The following DNAH12 variants were observed in gnomAD, a reference collection of about 807,000 sequenced individuals.
DNAH12 encodes axonemal beta dynein heavy chain 12.
DNAH12 carries 285 observed loss-of-function variants against 371.5 expected under a neutral mutation model. The observed-to-expected ratio is 0.77, with a 90% confidence interval of 0.70 to 0.85. DNAH12 has a LOEUF of 0.85. Among genes scored for constraint, DNAH12 ranks in the 40% least tolerant of loss-of-function variants. The pLI, the probability that DNAH12 is intolerant of heterozygous loss-of-function variation, is 0.00. For synonymous variants in DNAH12, 1,200 were observed against 1,213.0 expected (o/e 0.99, Z 0.22); for missense variants, 3,611 against 3,689.4 (o/e 0.98, Z 0.55).
intron 63 of DNAH12, 102 bp downstream of exon 63, chr3:57,323,367 A>G: frequency 6.8e-7 from 1 of 1,473,664 alleles, no homozygotes. Context: ...GTTTCTCTGT[A>G]AATATCAGAT....
At chr3:57,548,097 AT>A (rs1329535313), upstream of DNAH12, among the ~76,000 whole-genome samples, 1 of 152,208 alleles carries the variant, frequency 6.6e-6, no homozygotes, top group Non-Finnish European at 1.5e-5. Flanking sequence ...TGACAAGGAA[AT>A]TTGTTTTTTT....
At chr3:57,551,848 GA>G in the DNAH12 span, among the ~76,000 whole-genome samples, 33 of 147,544 alleles carry the variant, frequency 2.2e-4, no homozygotes, top group African/African-American at 8.2e-4. Flanking sequence ...TGGGAAAAAT[GA>G]AAAAAAGACA....
At chr3:57,364,501 A>T (rs1360084178) in intron 57 of DNAH12, among the ~76,000 whole-genome samples, 2 of 151,862 alleles carry the variant, frequency 1.3e-5, no homozygotes, top group Non-Finnish European at 1.5e-5. Context: ...TCCTCATTTT[A>T]AAAAAAATAC....
chr3:57,308,744 A>G (rs535877469), intron 69 of DNAH12, among the ~76,000 whole-genome samples: 35 of 152,328 alleles, frequency 2.3e-4, no homozygotes, highest in African/African-American at 7.9e-4. Flanking sequence ...TTTGCTGGCA[A>G]GGCTACGCTG....
intron 25 of DNAH12, among the ~76,000 whole-genome samples, chr3:57,448,100 TAATA>T (rs2065584775): frequency 1.3e-5 from 2 of 152,242 alleles, no homozygotes; most frequent in Admixed American, 6.5e-5. Context: ...TTATTGTGAA[TAATA>T]AATATACTAG....
At chr3:57,366,614 A>T (rs908769878) in intron 57 of DNAH12, 115 bp downstream of exon 57, 203 of 152,360 alleles carry the variant, frequency 1.3e-3, no homozygotes, top group African/African-American at 4.4e-3. Flanking sequence ...GTGATTATTT[A>T]TAGTAACAAA....
chr3:57,321,625 C>A (rs371923713), intron 65 of DNAH12, among the ~76,000 whole-genome samples: 12 of 152,082 alleles, frequency 7.9e-5, no homozygotes, highest in African/African-American at 2.9e-4. Flanking sequence ...CTTACAGGGA[C>A]CTGGGTTTTC....
intron 62 of DNAH12, among the ~76,000 whole-genome samples, chr3:57,324,946 G>A (rs1021261589): frequency 1.3e-5 from 2 of 152,188 alleles, no homozygotes; most frequent in African/African-American, 2.4e-5. Context: ...AGGGTCCTAC[G>A]CCCATGAAGT....
At chr3:57,425,747 A>G (rs1321646466) in intron 34 of DNAH12, among the ~76,000 whole-genome samples, 1 of 152,040 alleles carries the variant, frequency 6.6e-6, no homozygotes, top group Non-Finnish European at 1.5e-5. Flanking sequence ...GAGAATAAAC[A>G]GTGTTCTAAG....
At chr3:57,488,700 G>C (rs143726026) in intron 12 of DNAH12, among the ~76,000 whole-genome samples, 1 of 152,284 alleles carries the variant, frequency 6.6e-6, no homozygotes, top group East Asian at 1.9e-4. Flanking sequence ...CAGGCAGTGT[G>C]CTAGGTGCTA....
chr3:57,306,650 C>G (rs766736731), intron 69 of DNAH12, among the ~76,000 whole-genome samples: 1 of 152,062 alleles, frequency 6.6e-6, no homozygotes, highest in Non-Finnish European at 1.5e-5. Flanking sequence ...ACCTAATCAC[C>G]CTTACCCCGC....
At chr3:57,420,402 G>A (rs11719794) in intron 36 of DNAH12, among the ~76,000 whole-genome samples, 44,370 of 152,046 alleles carry the variant, frequency 0.29, 7,900 homozygotes, top group Non-Finnish European at 0.41. Flanking sequence ...TGGTAACTTT[G>A]TAAGTTTGGG....
At chr3:57,363,881 AAACT>A (rs1476654978) in intron 57 of DNAH12, 95 bp from the exon 58 acceptor site, 5 of 152,160 alleles carry the variant, frequency 3.3e-5, no homozygotes, top group Non-Finnish European at 5.9e-5. Flanking sequence ...CATCTAACAC[AAACT>A]AAGGTGGTTA....
intron 29 of DNAH12, among the ~76,000 whole-genome samples, chr3:57,440,016 G>C (rs2065254878): frequency 6.6e-6 from 1 of 152,096 alleles, no homozygotes; most frequent in South Asian, 2.1e-4. Flanking sequence ...TTACTAAAAA[G>C]TTAAGAACAA....
chr3:57,489,526 A>G lies in DNAH12; in HGVS notation c.1497T>C (p.Tyr499=), dbSNP rs2067042976. 2 of 1,512,654 alleles carry G rather than the reference A, an allele frequency of 1.3e-6. No individual in the cohort carries two copies. Among genetic ancestry groups the G allele is most frequent in the African/African-American group, 1.4e-5 (1 of 70,220 alleles). The allele number at this position is 1,512,654 out of a possible 1,614,324, so 93.7% of individuals were successfully genotyped here. Residue 499 remains tyrosine, a synonymous_variant, in exon 12 of 74, where the codon TAT becomes TAC. Coordinates refer to ENST00000495027, the MANE Select transcript of DNAH12 (RefSeq NM_001366028.2). ...CTACTTACCATTCATTTTCTTTTCT[A>G]TATTTTGAAGCTATGTCATTTAATA... is the stretch of plus-strand genomic sequence containing the variant. ...NILLNDIASK[Y]RKENECICSE... is the part of the protein sequence containing the mutation.
the DNAH12 span, among the ~76,000 whole-genome samples, chr3:57,551,357 C>T: frequency 2.0e-5 from 3 of 151,882 alleles, no homozygotes; most frequent in South Asian, 2.1e-4. Context: ...CTGCAAGCTC[C>T]GCCTCCCGGG....
At chr3:57,303,275 C>G (rs1302540622) in intron 69 of DNAH12, among the ~76,000 whole-genome samples, 7 of 142,354 alleles carry the variant, frequency 4.9e-5, no homozygotes, top group African/African-American at 1.9e-4. Flanking sequence ...GGAGGCAGAG[C>G]TTGCAGTGAG....
chr3:57,380,968 A>T (rs2063377428), intron 50 of DNAH12, among the ~76,000 whole-genome samples: 1 of 152,236 alleles, frequency 6.6e-6, no homozygotes. Context: ...ACAATTTCAT[A>T]TAAGAAAATA....
chr3:57,454,190 A>G (rs989825106), intron 23 of DNAH12, among the ~76,000 whole-genome samples: 1 of 152,052 alleles, frequency 6.6e-6, no homozygotes, highest in African/African-American at 2.4e-5. Flanking sequence ...TATTAAGAAC[A>G]AGTTCTCAGG....
Sources: allele counts gnomAD v4.1 joint callset (sites outside exome capture counted in the v4.1 genomes callset), GRCh38; gene constraint gnomAD v4.1.1; transcripts MANE v1.5; gene names NCBI Gene and HGNC (gene_info 2026-07-23, HGNC 2026-07-21).